UTS2B: variants seen among roughly 807,000 people sequenced by gnomAD.
The protein encoded by UTS2B is urotensin 2B, also known as urotensin-2B.
UTS2B carries 21 observed loss-of-function variants against 19.2 expected under a neutral mutation model. That is an observed-to-expected ratio of 1.09 (90% CI 0.78 to 1.58). The LOEUF (loss-of-function observed/expected upper bound fraction) is 1.58. Among genes scored for constraint, UTS2B ranks in the 40% most tolerant of loss-of-function variants. UTS2B has a pLI of 0.00. For synonymous variants in UTS2B, 57 were observed against 50.2 expected, an observed-to-expected ratio of 1.14 and a Z score of -0.58; for missense variants, 138 against 130.3, an observed-to-expected ratio of 1.06 and a Z score of -0.29.
At chr3:191,300,280 C>T (rs1461912090) in intron 4 of UTS2B, among the ~76,000 whole-genome samples, 1 of 151,880 alleles carries the variant, frequency 6.6e-6, no homozygotes, top group African/African-American at 2.4e-5. Context: ...AAACTGCTGA[C>T]CTCATGATCC....
At chr3:191,275,815 G>T (rs969095555) in intron 7 of UTS2B, among the ~76,000 whole-genome samples, 10 of 151,792 alleles carry the variant, frequency 6.6e-5, no homozygotes, top group African/African-American at 2.4e-4. Context: ...TAGAAACAAA[G>T]GAAGAAAAAA....
intron 4 of UTS2B, among the ~76,000 whole-genome samples, chr3:191,291,267 T>C (rs1377846117): frequency 3.9e-5 from 6 of 152,196 alleles, no homozygotes; most frequent in Non-Finnish European, 5.9e-5. Flanking sequence ...TAGTTTCACT[T>C]TCTTGATCAT....
At chr3:191,334,304 A>T (rs1333021486), upstream of UTS2B, among the ~76,000 whole-genome samples, 1 of 152,224 alleles carries the variant, frequency 6.6e-6, no homozygotes, top group East Asian at 1.9e-4. Flanking sequence ...GGAAGAAAAT[A>T]GTATATTGCC....
At chr3:191,301,081 T>A (rs957119078) in intron 4 of UTS2B, among the ~76,000 whole-genome samples, 1 of 147,200 alleles carries the variant, frequency 6.8e-6, no homozygotes. Flanking sequence ...AGTGACTTAC[T>A]GCCCTAACCA....
At chr3:191,313,895 TA>T (rs1159946457) in intron 3 of UTS2B, among the ~76,000 whole-genome samples, 1 of 151,912 alleles carries the variant, frequency 6.6e-6, no homozygotes, top group African/African-American at 2.4e-5. Context: ...CATGCCCAAC[TA>T]ATTTTTGTAT....
At chr3:191,325,250 G>A (rs376339666) in intron 2 of UTS2B, among the ~76,000 whole-genome samples, 7 of 152,136 alleles carry the variant, frequency 4.6e-5, no homozygotes, top group African/African-American at 1.7e-4. Context: ...TATGTAGTAG[G>A]TGACAGAATT....
At chr3:191,312,967 T>C (rs1250540109) in intron 3 of UTS2B, among the ~76,000 whole-genome samples, 1 of 152,016 alleles carries the variant, frequency 6.6e-6, no homozygotes, top group Non-Finnish European at 1.5e-5. Context: ...TTATGGGCAG[T>C]TCAAGGTCAT....
chr3:191,322,617 A>C (rs1278725762), intron 2 of UTS2B, among the ~76,000 whole-genome samples: 4 of 152,240 alleles, frequency 2.6e-5, no homozygotes, highest in Admixed American at 2.6e-4. Context: ...GCAGAAAACT[A>C]TAATAGCTGA....
At chr3:191,289,412 A>AAATAAATAAATAAATAAAT (rs1477275425) in intron 4 of UTS2B, among the ~76,000 whole-genome samples, 6 of 136,654 alleles carry the variant, frequency 4.4e-5, no homozygotes, top group Admixed American at 7.9e-5. Context: ...CCATCTCAAT[A>AAATAAATAAATAAATAAAT]AATAAATAAA....
At chr3:191,278,922 A>G (rs1288697911) in intron 5 of UTS2B, among the ~76,000 whole-genome samples, 1 of 152,090 alleles carries the variant, frequency 6.6e-6, no homozygotes, top group East Asian at 1.9e-4. Flanking sequence ...CCTTTATCAC[A>G]TAATTTCTGT....
At chr3:191,293,289 T>C (rs1411509412) in intron 4 of UTS2B, among the ~76,000 whole-genome samples, 1 of 152,186 alleles carries the variant, frequency 6.6e-6, no homozygotes, top group African/African-American at 2.4e-5. Flanking sequence ...TGGTCTCTTC[T>C]CTTTTAAGTT....
rs181797378 is a variant in UTS2B at position 191,278,305 on chromosome 3, A to T, written c.104-135T>A. The T allele has an allele frequency of 9.2e-4, 449 of 489,834 alleles. 2 individuals carry two copies. Among genetic ancestry groups the T allele is most frequent in the African/African-American group, 8.2e-3 (409 of 49,606 alleles). 30.3% of individuals were successfully genotyped at this position (489,834 alleles called of 1,614,324 possible). A position where few individuals can be genotyped will look rare whatever the true frequency, so the allele number is the denominator to read the frequency against. ...TAGAGAGAGTGTATAGTCTGAAGGG[A>T]TGGGTAATTTAAGAAATTATTGAAT... On this transcript the variant is annotated intron_variant, in intron 5 of 8. Transcript: ENST00000340524.
At chr3:191,315,320 C>T (rs1406585509) in intron 3 of UTS2B, among the ~76,000 whole-genome samples, 2 of 152,192 alleles carry the variant, frequency 1.3e-5, no homozygotes, top group Admixed American at 6.5e-5. Context: ...GCCTACTCTA[C>T]AAAATTAATC....
At chr3:191,311,439 C>T (rs1560144710) in intron 3 of UTS2B, among the ~76,000 whole-genome samples, 1 of 152,236 alleles carries the variant, frequency 6.6e-6, no homozygotes, top group African/African-American at 2.4e-5. Context: ...TTCTCTCTCT[C>T]TCCACCTGTC....
At chr3:191,331,873 T>C (rs1444495069), upstream of UTS2B, among the ~76,000 whole-genome samples, 2 of 152,218 alleles carry the variant, frequency 1.3e-5, no homozygotes, top group Admixed American at 1.3e-4. Context: ...TGTGGTAATA[T>C]TGAAACTCCA....
intron 7 of UTS2B, among the ~76,000 whole-genome samples, chr3:191,275,856 T>C (rs1716223535): frequency 6.6e-6 from 1 of 151,810 alleles, no homozygotes; most frequent in Non-Finnish European, 1.5e-5. Context: ...ACAGGGAGCA[T>C]GCATTCAGGG....
chr3:191,326,371 G>C (rs1247721290), intron 2 of UTS2B, among the ~76,000 whole-genome samples: 1 of 152,012 alleles, frequency 6.6e-6, no homozygotes, highest in Non-Finnish European at 1.5e-5. Flanking sequence ...TGCTTTTGTG[G>C]AATTTGGTAG....
intron 4 of UTS2B, among the ~76,000 whole-genome samples, chr3:191,288,790 C>T (rs1277704691): frequency 6.6e-6 from 1 of 152,014 alleles, no homozygotes; most frequent in Non-Finnish European, 1.5e-5. Context: ...AAAATCAACT[C>T]AAAGTAGATT....
intron 4 of UTS2B, among the ~76,000 whole-genome samples, chr3:191,295,716 G>T (rs1716840556): frequency 1.3e-5 from 2 of 151,784 alleles, no homozygotes; most frequent in South Asian, 4.1e-4. Flanking sequence ...TTATTTTTCA[G>T]TATTCACTGT....
Sources: allele counts gnomAD v4.1 joint callset (sites outside exome capture counted in the v4.1 genomes callset), GRCh38; gene constraint gnomAD v4.1.1; transcripts MANE v1.5; gene names NCBI Gene and HGNC (gene_info 2026-07-23, HGNC 2026-07-21).